PRDM2: variants seen among roughly 807,000 people sequenced by gnomAD.
PRDM2 encodes PR domain zinc finger protein 2.
A neutral mutation model predicts 130.0 loss-of-function variants in PRDM2; 30 were observed. That is an observed-to-expected ratio of 0.23 (90% CI 0.17 to 0.31). The LOEUF is 0.31. Among genes scored for constraint, PRDM2 ranks in the 10% least tolerant of loss-of-function variants. The pLI is 1.00. For synonymous variants in PRDM2, 871 were observed against 782.4 expected (o/e 1.11, Z -1.89); for missense variants, 2,011 against 2,108.4 (o/e 0.95, Z 0.90).
Position 13,768,286 on chromosome 1 carries a change from C to T in PRDM2, c.512-4792C>T, listed in dbSNP as rs1225647591. On this transcript the variant is annotated intron_variant, in intron 6 of 9. Transcript: ENST00000311066. ...TTTTAGCAGAGACGGGGTTTCACCG[C>T]ACTAGCCAGGATGGTCTCGATCTCC... Among the ~76,000 whole-genome samples the T allele has an allele frequency of 4.0e-5, 6 of 151,708 alleles. No individual in the cohort carries two copies. In the South Asian group the frequency reaches 6.3e-4, roughly 16 times the overall value.
At chr1:13,767,938 C>T (rs929143662) in intron 6 of PRDM2, among the ~76,000 whole-genome samples, 5 of 152,040 alleles carry the variant, frequency 3.3e-5, no homozygotes, top group East Asian at 3.9e-4. Flanking sequence ...ATCATGCCAT[C>T]GCACTCTAGC....
rs527238159 is a variant in PRDM2, at chr1:13,757,145, A to G, written c.511+7658A>G. Among the ~76,000 whole-genome samples, 20 of 152,374 alleles carry G rather than the reference A, an allele frequency of 1.3e-4. No homozygotes were observed. In the East Asian group the frequency reaches 3.1e-3, roughly 23 times the overall value. On this transcript the variant is annotated intron_variant, in intron 6 of 9. Coordinates refer to ENST00000311066, the MANE Select transcript of PRDM2 (RefSeq NM_001393986.1). ...TGAAGTGTTTGGTGTAGGAGAGACC[A>G]GTCATGGTGACACCTTCAGCTGTTT...
chr1:13,714,797 G>A (rs1338149916), intron 1 of PRDM2, among the ~76,000 whole-genome samples: 2 of 152,202 alleles, frequency 1.3e-5, no homozygotes, highest in Non-Finnish European at 2.9e-5. Context: ...GAACCTTACA[G>A]TGGAAGTTCT....
chr1:13,813,138 G>C (rs1365699453), intron 8 of PRDM2, among the ~76,000 whole-genome samples: 1 of 152,178 alleles, frequency 6.6e-6, no homozygotes, highest in Admixed American at 6.5e-5. Context: ...CCTGCACGGA[G>C]ACCTTTCTCC....
At chr1:13,820,879 A>G (rs1378850370) in intron 9 of PRDM2, among the ~76,000 whole-genome samples, 1 of 148,934 alleles carries the variant, frequency 6.7e-6, no homozygotes, top group East Asian at 2.0e-4. Context: ...GAATACAGCC[A>G]CTCCATAGCC....
intron 6 of PRDM2, among the ~76,000 whole-genome samples, chr1:13,756,597 T>C (rs985767231): frequency 6.6e-6 from 1 of 152,222 alleles, no homozygotes; most frequent in Non-Finnish European, 1.5e-5. Context: ...AAAAGAGAAA[T>C]ACTGCAAGTA....
chr1:13,782,160 C>T lies in PRDM2; in HGVS notation c.4365C>T (p.His1455=). The T allele has an allele frequency of 6.2e-7, 1 of 1,613,928 alleles. No individual in the cohort carries two copies. The highest frequency in any genetic ancestry group is 8.5e-7 in the Non-Finnish European group (1 of 1,180,010). The change falls in exon 8 of 10, where the codon CAC becomes CAT. Residue 1455 remains histidine, a synonymous_variant. Coordinates refer to ENST00000311066, the MANE Select transcript of PRDM2 (RefSeq NM_001393986.1). ...DLKNACESSS[H]ICPYCNREFT... ...AAAATGCTTGTGAGTCATCCTCTCA[C>T]ATCTGCCCTTACTGTAATCGAGAGT...
At chr1:13,754,140 G>A (rs1643895531) in intron 6 of PRDM2, among the ~76,000 whole-genome samples, 1 of 152,182 alleles carries the variant, frequency 6.6e-6, no homozygotes, top group Admixed American at 6.5e-5. Flanking sequence ...TCTCCAGGAA[G>A]AGGGACCTAG....
intron 4 of PRDM2, among the ~76,000 whole-genome samples, chr1:13,734,718 GTTC>G (rs1643214173): frequency 6.6e-6 from 1 of 151,952 alleles, no homozygotes; most frequent in Admixed American, 6.6e-5. Context: ...AAGAATCCTA[GTTC>G]TTATCAAGGG....
intron 8 of PRDM2, among the ~76,000 whole-genome samples, chr1:13,809,662 G>C (rs1645139883): frequency 6.6e-6 from 1 of 152,208 alleles, no homozygotes; most frequent in Admixed American, 6.5e-5. Context: ...TCATCTGTGT[G>C]AGGCTGGCCG....
chr1:13,728,696 G>A (rs1643005202), intron 2 of PRDM2, among the ~76,000 whole-genome samples: 1 of 152,138 alleles, frequency 6.6e-6, no homozygotes, highest in South Asian at 2.1e-4. Flanking sequence ...GTGGAATAAA[G>A]GAGTAATTTA....
chr1:13,777,025 A>G (rs1441066302), intron 7 of PRDM2, among the ~76,000 whole-genome samples: 1 of 152,196 alleles, frequency 6.6e-6, no homozygotes. Context: ...ATAATCAGGT[A>G]CCTTAAACTT....
At chr1:13,708,794 C>T (rs934245427) in intron 1 of PRDM2, among the ~76,000 whole-genome samples, 13 of 152,102 alleles carry the variant, frequency 8.5e-5, no homozygotes, top group Non-Finnish European at 1.3e-4. Context: ...GGGTGAGAGG[C>T]GTGAGTGGTT....
chr1:13,765,844 T>A (rs1165881925), intron 6 of PRDM2, among the ~76,000 whole-genome samples: 3 of 152,172 alleles, frequency 2.0e-5, no homozygotes, highest in Admixed American at 6.5e-5. Context: ...CTATTACAGA[T>A]TGTAATTTTT....
intron 2 of PRDM2, among the ~76,000 whole-genome samples, chr1:13,718,838 T>C (rs1642632751): frequency 1.3e-5 from 2 of 152,168 alleles, no homozygotes; most frequent in East Asian, 1.9e-4. Context: ...ATACTTAACT[T>C]TTGAGATGTT....
chr1:13,816,601 C>T (rs1484642909), intron 9 of PRDM2, 31 bp downstream of exon 9: 1 of 1,611,360 alleles, frequency 6.2e-7, no homozygotes, highest in Non-Finnish European at 8.5e-7. Context: ...GCTTCTGGCA[C>T]TGTTTGGGTG....
intron 4 of PRDM2, 24 bp from the exon 5 acceptor site, chr1:13,741,981 T>G (rs1347555365): frequency 6.6e-7 from 1 of 1,507,094 alleles, no homozygotes; most frequent in African/African-American, 1.4e-5. Flanking sequence ...TAACAAAAGT[T>G]TTTTACTTTT....
chr1:13,783,316 T>C (rs1644662678), intron 8 of PRDM2: 15 of 369,436 alleles, frequency 4.1e-5, no homozygotes, highest in South Asian at 2.9e-4. Flanking sequence ...GAATTGCCAA[T>C]GCTTAAATTT....
At chr1:13,720,019 A>G (rs1225819506) in intron 2 of PRDM2, among the ~76,000 whole-genome samples, 1 of 152,168 alleles carries the variant, frequency 6.6e-6, no homozygotes, top group Admixed American at 6.5e-5. Flanking sequence ...GGTCTAATCT[A>G]TTCCGTCATG....
Sources: gnomAD v4.1 joint callset for allele counts (sites outside exome capture counted in the v4.1 genomes callset) on GRCh38, gnomAD v4.1.1 for gene constraint, MANE v1.5 for transcripts, NCBI Gene and HGNC (gene_info 2026-07-23, HGNC 2026-07-21) for gene names.